CALN1: variants seen among roughly 807,000 people sequenced by gnomAD.
The protein encoded by CALN1 is calneuron 1.
In CALN1, 17 loss-of-function variants were observed where a neutral mutation model predicts 30.6. That is an observed-to-expected ratio of 0.56 (90% CI 0.38 to 0.83). The LOEUF (loss-of-function observed/expected upper bound fraction) is 0.83, where lower values mean the gene tolerates loss of function less well. Among genes scored for constraint, CALN1 ranks in the 40% least tolerant of loss-of-function variants. The pLI is 0.00. For synonymous variants in CALN1, 156 were observed against 131.4 expected, an observed-to-expected ratio of 1.19 and a Z score of -1.28; for missense variants, 291 against 354.9, an observed-to-expected ratio of 0.82 and a Z score of 1.45.
intron 5 of CALN1, among the ~76,000 whole-genome samples, chr7:71,909,358 G>A (rs571438643): frequency 3.9e-5 from 6 of 151,938 alleles, no homozygotes; most frequent in Admixed American, 6.6e-5. Flanking sequence ...ATTTCCTTGC[G>A]ATAAAATCAG....
At chr7:72,229,523 G>T (rs1006049501) in intron 3 of CALN1, among the ~76,000 whole-genome samples, 5 of 151,984 alleles carry the variant, frequency 3.3e-5, no homozygotes, top group African/African-American at 4.8e-5. Flanking sequence ...GAAAGACTTG[G>T]AACCAATCCA....
At chr7:72,012,707 T>G (rs1217586503) in intron 5 of CALN1, among the ~76,000 whole-genome samples, 2 of 152,192 alleles carry the variant, frequency 1.3e-5, no homozygotes, top group African/African-American at 2.4e-5. Context: ...ACAGTGGCTT[T>G]GGGTGACAGC....
chr7:72,136,864 C>T (rs547700420), intron 3 of CALN1, among the ~76,000 whole-genome samples: 3 of 152,160 alleles, frequency 2.0e-5, no homozygotes, highest in African/African-American at 4.8e-5. Flanking sequence ...ACACACACAA[C>T]ATTTATTAAG....
At chr7:72,241,237 A>G (rs796451756) in intron 3 of CALN1, among the ~76,000 whole-genome samples, 20 of 152,338 alleles carry the variant, frequency 1.3e-4, no homozygotes, top group African/African-American at 4.8e-4. Flanking sequence ...TTTATTGGTC[A>G]CTAAACTTAC....
intron 3 of CALN1, among the ~76,000 whole-genome samples, chr7:72,221,152 G>T (rs1404117773): frequency 6.6e-6 from 1 of 152,046 alleles, no homozygotes; most frequent in Non-Finnish European, 1.5e-5. Context: ...TAAACATGAT[G>T]TTGGCGAAAG....
chr7:72,375,205 G>A (rs1004253761), intron 2 of CALN1, among the ~76,000 whole-genome samples: 4 of 151,968 alleles, frequency 2.6e-5, no homozygotes, highest in Admixed American at 6.6e-5. Flanking sequence ...CTTTTCTCAC[G>A]GTCTCAAAAA....
chr7:72,058,290 A>T (rs1481087257), intron 4 of CALN1, among the ~76,000 whole-genome samples: 1 of 150,138 alleles, frequency 6.7e-6, no homozygotes, highest in African/African-American at 2.5e-5. Context: ...GGGTTGCTAC[A>T]AGCTGCAACA....
rs537406483 is a variant in CALN1 at position 72,260,407 on chromosome 7, A to G, written c.244+18279T>C. On this transcript the variant is annotated intron_variant, in intron 3 of 6. Coordinates refer to ENST00000395275, the MANE Select transcript of CALN1 (RefSeq NM_031468.4). ...ATCACTACTCATAAACACACACAAT[A>G]TTGTTAAGCTCCACGGGTGCACAGA... 2.0e-5 allele frequency among the ~76,000 whole-genome samples: 3 copies of G among 152,260 alleles called. No homozygotes were observed. In the South Asian group the frequency reaches 6.2e-4, roughly 32 times the overall value.
chr7:72,427,419 AT>A (rs1413402217), intron 1 of CALN1, among the ~76,000 whole-genome samples: 9 of 152,274 alleles, frequency 5.9e-5, no homozygotes, highest in South Asian at 2.1e-4. Flanking sequence ...AGATGAGGGC[AT>A]TTTCCTGCTG....
chr7:72,253,869 G>T (rs530771065), intron 3 of CALN1, among the ~76,000 whole-genome samples: 1 of 152,086 alleles, frequency 6.6e-6, no homozygotes, highest in African/African-American at 2.4e-5. Flanking sequence ...GCCTCCAGAG[G>T]AGCTGGGACT....
At chr7:72,190,867 G>C (rs1165924135) in intron 3 of CALN1, among the ~76,000 whole-genome samples, 1 of 151,818 alleles carries the variant, frequency 6.6e-6, no homozygotes, top group Non-Finnish European at 1.5e-5. Flanking sequence ...GTTAAAAAAT[G>C]TGTGTCTTTA....
At chr7:72,195,818 C>T (rs948375998) in intron 3 of CALN1, among the ~76,000 whole-genome samples, 5 of 152,112 alleles carry the variant, frequency 3.3e-5, no homozygotes, top group African/African-American at 1.2e-4. Flanking sequence ...TTAGAAGTTA[C>T]AAGGTGTCAT....
At chr7:72,170,905 C>T (rs1025693691) in intron 3 of CALN1, among the ~76,000 whole-genome samples, 2 of 152,146 alleles carry the variant, frequency 1.3e-5, no homozygotes, top group Non-Finnish European at 2.9e-5. Context: ...GCCTGTAATT[C>T]CAACAATTTG....
At chr7:72,456,279 T>C in the CALN1 span, among the ~76,000 whole-genome samples, 2 of 151,828 alleles carry the variant, frequency 1.3e-5, no homozygotes, top group South Asian at 4.2e-4. Context: ...TCCCAGCACT[T>C]TGGGGAGTCG....
intron 5 of CALN1, among the ~76,000 whole-genome samples, chr7:71,810,867 G>A (rs1787909103): frequency 6.7e-6 from 1 of 150,312 alleles, no homozygotes; most frequent in Admixed American, 6.6e-5. Flanking sequence ...CAACACTCTG[G>A]CAATTCCCAT....
intron 2 of CALN1, among the ~76,000 whole-genome samples, chr7:72,390,382 G>C (rs1174960163): frequency 6.6e-6 from 1 of 151,986 alleles, no homozygotes; most frequent in African/African-American, 2.4e-5. Context: ...AGTGAGCCGA[G>C]ATCACGCCAC....
chr7:72,054,546 T>TATATACATACATATATATATAC (rs1563016035), intron 4 of CALN1, among the ~76,000 whole-genome samples: 5 of 108,354 alleles, frequency 4.6e-5, no homozygotes, highest in African/African-American at 2.1e-4. Context: ...TATATATACA[T>TATATACATACATATATATATAC]ATATATATAT....
At position 72,342,997 on chromosome 7, in the gene CALN1, A is replaced by T. The variant is rs1179146767; in HGVS notation, c.119+60254T>A. Among the ~76,000 whole-genome samples the T allele has an allele frequency of 6.6e-5, 10 of 152,332 alleles. 1 individual carries two copies. The highest frequency in any genetic ancestry group is 6.5e-5 in the Admixed American group (1 of 15,310). On this transcript the variant is annotated intron_variant, in intron 2 of 6. Coordinates refer to ENST00000395275, the MANE Select transcript of CALN1 (RefSeq NM_031468.4). The stretch of plus-strand genomic sequence containing the variant: ...GCTAGGGGTTTGCCACAAACTTTGC[A>T]GTGGTTTGCTTTGCAGTAATCGATA...
chr7:72,016,886 C>T (rs1335464517), intron 5 of CALN1, among the ~76,000 whole-genome samples: 1 of 151,146 alleles, frequency 6.6e-6, no homozygotes, highest in East Asian at 2.0e-4. Flanking sequence ...GGCACGGTGG[C>T]TCATGCCTGT....
Sources: allele counts gnomAD v4.1 joint callset (sites outside exome capture counted in the v4.1 genomes callset), GRCh38; gene constraint gnomAD v4.1.1; transcripts MANE v1.5; gene names NCBI Gene and HGNC (gene_info 2026-07-23, HGNC 2026-07-21).